ULK4: variants seen among roughly 807,000 people sequenced by gnomAD.
The protein encoded by ULK4 is inactive serine/threonine-protein kinase ULK4.
In ULK4, 133 loss-of-function variants were observed where a neutral mutation model predicts 160.6. The ratio of observed to expected loss-of-function variants is 0.83; its 90% CI spans 0.72 to 0.96. The LOEUF is 0.96. Ranked by LOEUF, ULK4 falls within the 40% of genes least tolerant of loss-of-function variation. The pLI is 0.00. For missense variants in ULK4, 1,580 were observed against 1,499.5 expected, an observed-to-expected ratio of 1.05 and a Z score of -0.89; for synonymous variants, 534 against 539.8, an observed-to-expected ratio of 0.99 and a Z score of 0.15.
chr3:41,712,913 A>C (rs576317196), intron 25 of ULK4, among the ~76,000 whole-genome samples: 2 of 151,896 alleles, frequency 1.3e-5, no homozygotes, highest in Non-Finnish European at 2.9e-5. Context: ...AAAGCAAAAA[A>C]ACAAGCAAAA....
In ULK4 at chr3:41,715,547, G is replaced by T. The variant is rs2037238962; in HGVS notation, c.2477C>A (p.Ala826Asp). Residue 826 changes from alanine (A) to aspartate (D), a missense_variant, in exon 24 of 37, where the codon GCT (alanine) becomes GAT (aspartate). Transcript: ENST00000301831. Reference sequence around the variant, plus strand: ...TGGGTGTTTACGTCCAGAAACATTAGCCAAGGAGTTAAGAATGTCACCTGT... The same window carrying T: ...TGGGTGTTTACGTCCAGAAACATTATCCAAGGAGTTAAGAATGTCACCTGT... The part of the protein sequence containing the change: ...RILGDILNSL[A>D]NVSGRKHPST... The T allele has an allele frequency of 1.2e-6, 2 of 1,614,100 alleles. No individual in the cohort carries two copies. The highest frequency in any genetic ancestry group is 1.7e-6 in the Non-Finnish European group (2 of 1,179,992).
intron 32 of ULK4, among the ~76,000 whole-genome samples, chr3:41,512,102 C>CA (rs1213203445): frequency 6.6e-6 from 1 of 152,056 alleles, no homozygotes; most frequent in African/African-American, 2.4e-5. Context: ...AAACCCTCGG[C>CA]AAAACTGGCA....
intron 32 of ULK4, among the ~76,000 whole-genome samples, chr3:41,513,387 C>T (rs2085651583): frequency 6.6e-6 from 1 of 152,198 alleles, no homozygotes; most frequent in Non-Finnish European, 1.5e-5. Flanking sequence ...CCTGTAATCC[C>T]AGCACTTTGG....
chr3:41,615,358 T>C (rs1245124362), intron 31 of ULK4, among the ~76,000 whole-genome samples: 1 of 152,188 alleles, frequency 6.6e-6, no homozygotes, highest in Non-Finnish European at 1.5e-5. Context: ...CATTCTTCCC[T>C]CTCTATACAA....
At chr3:41,782,654 G>T (rs537293104) in intron 21 of ULK4, among the ~76,000 whole-genome samples, 2 of 152,062 alleles carry the variant, frequency 1.3e-5, no homozygotes, top group Non-Finnish European at 2.9e-5. Flanking sequence ...TTTTTTACTG[G>T]CACTATAGCT....
intron 32 of ULK4, among the ~76,000 whole-genome samples, chr3:41,522,616 A>AG (rs1412265525): frequency 1.3e-5 from 2 of 152,230 alleles, no homozygotes; most frequent in Non-Finnish European, 1.5e-5. Flanking sequence ...TATTAAAGAA[A>AG]GAAAAATGGA....
intron 22 of ULK4, among the ~76,000 whole-genome samples, chr3:41,749,968 C>T (rs1220008212): frequency 6.6e-6 from 1 of 152,008 alleles, no homozygotes; most frequent in Non-Finnish European, 1.5e-5. Context: ...GAGCATGAAC[C>T]CCAGCCAAAT....
chr3:41,624,221 T>C (rs2033382916), intron 30 of ULK4, among the ~76,000 whole-genome samples: 1 of 152,144 alleles, frequency 6.6e-6, no homozygotes, highest in African/African-American at 2.4e-5. Flanking sequence ...TCAGTTTCCT[T>C]AAATTTGTCT....
chr3:41,469,064 A>G (rs1484287404), intron 32 of ULK4, among the ~76,000 whole-genome samples: 1 of 152,116 alleles, frequency 6.6e-6, no homozygotes, highest in Non-Finnish European at 1.5e-5. Context: ...TTAAATCTCT[A>G]CACAGTCAGC....
intron 35 of ULK4, among the ~76,000 whole-genome samples, chr3:41,285,971 T>G (rs1274284365): frequency 6.6e-6 from 1 of 152,084 alleles, no homozygotes; most frequent in Non-Finnish European, 1.5e-5. Context: ...GGAGGAAAAT[T>G]TGGTGGCTAG....
At chr3:41,692,316 C>A (rs1176091145) in intron 27 of ULK4, among the ~76,000 whole-genome samples, 1 of 152,078 alleles carries the variant, frequency 6.6e-6, no homozygotes, top group Non-Finnish European at 1.5e-5. Context: ...TATATGACAG[C>A]AAACATGTTC....
chr3:41,952,578 A>G (rs1205536071), intron 2 of ULK4, among the ~76,000 whole-genome samples: 2 of 152,202 alleles, frequency 1.3e-5, no homozygotes, highest in Non-Finnish European at 2.9e-5. Context: ...AAGTACTGAT[A>G]AGGATGCAGA....
At chr3:41,525,277 T>C (rs1209983455) in intron 32 of ULK4, among the ~76,000 whole-genome samples, 2 of 152,204 alleles carry the variant, frequency 1.3e-5, no homozygotes, top group Non-Finnish European at 2.9e-5. Flanking sequence ...AGGAACACTA[T>C]GACTATTAAT....
intron 1 of ULK4, among the ~76,000 whole-genome samples, chr3:41,961,136 C>T (rs946259167): frequency 6.6e-6 from 1 of 152,118 alleles, no homozygotes; most frequent in African/African-American, 2.4e-5. Flanking sequence ...AGCCAGAAGG[C>T]AGAGCAAATC....
intron 32 of ULK4, among the ~76,000 whole-genome samples, chr3:41,498,459 C>CG (rs1220763138): frequency 5.9e-5 from 9 of 151,796 alleles, no homozygotes; most frequent in Admixed American, 5.9e-4. Context: ...CTTAGGACTC[C>CG]GGGGAAAAAG....
intron 35 of ULK4, among the ~76,000 whole-genome samples, chr3:41,337,820 C>T (rs1212994254): frequency 6.6e-6 from 1 of 152,160 alleles, no homozygotes; most frequent in African/African-American, 2.4e-5. Context: ...GGTTTCCTAT[C>T]CTAATAGGAA....
intron 30 of ULK4, among the ~76,000 whole-genome samples, chr3:41,633,240 C>G (rs148592059): frequency 6.6e-6 from 1 of 152,342 alleles, no homozygotes; most frequent in African/African-American, 2.4e-5. Context: ...CCACCTATAT[C>G]TGCATAGTCC....
chr3:41,418,356 C>T (rs569109334), intron 34 of ULK4, among the ~76,000 whole-genome samples: 1 of 145,642 alleles, frequency 6.9e-6, no homozygotes, highest in South Asian at 2.2e-4. Context: ...GGGGGGGGCA[C>T]GTTTCTAAGC....
At chr3:41,706,845 A>T (rs1167791883) in intron 25 of ULK4, among the ~76,000 whole-genome samples, 51 of 113,414 alleles carry the variant, frequency 4.5e-4, no homozygotes, top group African/African-American at 3.6e-3. Flanking sequence ...AAAAAAAAAA[A>T]AATATGTGTG....
Sources: gnomAD v4.1 joint callset for allele counts (sites outside exome capture counted in the v4.1 genomes callset) on GRCh38, gnomAD v4.1.1 for gene constraint, MANE v1.5 for transcripts, NCBI Gene and HGNC (gene_info 2026-07-23, HGNC 2026-07-21) for gene names.